Variants in LPP observed in about 807,000 individuals in gnomAD.
LPP encodes LIM domain containing preferred translocation partner in lipoma, also known as lipoma-preferred partner.
In LPP, 38 loss-of-function variants were observed where a neutral mutation model predicts 60.4. The observed-to-expected ratio is 0.63, with a 90% CI of 0.49 to 0.83. The LOEUF is 0.83. Ranked by LOEUF, LPP falls within the 40% of genes least tolerant of loss-of-function variation. The pLI, the probability that LPP is intolerant of heterozygous loss-of-function variation, is 0.00. For synonymous variants in LPP, 328 were observed against 290.8 expected (o/e 1.13, Z -1.30); for missense variants, 902 against 783.6 (o/e 1.15, Z -1.80).
rs1211108746 is a variant in LPP, at chr3:188,635,770, C to T, written c.1113+25926C>T. On this transcript the variant is annotated intron_variant, in intron 7 of 11. Transcript: ENST00000617246. ...TTTATTCCTTAACTTAGCACTTCCC[C>T]AGTGGCACAATAAGCACTCAGTAAA... 2.0e-5 allele frequency among the ~76,000 whole-genome samples: 3 copies of T among 152,142 alleles called. No homozygotes were observed. In the East Asian group the frequency reaches 5.8e-4, roughly 29 times the overall value.
intron 9 of LPP, among the ~76,000 whole-genome samples, chr3:188,793,478 G>T (rs536127904): frequency 6.6e-6 from 1 of 151,932 alleles, no homozygotes; most frequent in Non-Finnish European, 1.5e-5. Context: ...CACCATGCCC[G>T]GCCACTTTCT....
chr3:188,878,837 T>A lies in LPP; in HGVS notation c.*4358T>A, dbSNP rs1461634730. 4.7e-6 allele frequency: 1 copy of A among 212,650 alleles called. No individual in the cohort carries two copies. Among genetic ancestry groups the A allele is most frequent in the Non-Finnish European group, 9.5e-6 (1 of 105,196 alleles). The allele number at this position is 212,650 out of a possible 1,614,324, so 13.2% of individuals were successfully genotyped here. On this transcript the variant is annotated 3_prime_UTR_variant, in exon 12 of 12. Transcript: ENST00000617246. Reference sequence around the variant, plus strand: ...CATCTTAATATATTCTAGTAGTATTTATTTTTTCCTTGTCTTGGAAGTATC... The same window carrying A: ...CATCTTAATATATTCTAGTAGTATTAATTTTTTCCTTGTCTTGGAAGTATC...
chr3:188,849,693 A>ATT, intron 9 of LPP, among the ~76,000 whole-genome samples: 1 of 152,174 alleles, frequency 6.6e-6, no homozygotes, highest in East Asian at 1.9e-4. Flanking sequence ...CTATGCTTTG[A>ATT]TTTTGTTTTT....
chr3:188,639,868 A>G (rs1008299352), intron 7 of LPP, among the ~76,000 whole-genome samples: 12 of 152,208 alleles, frequency 7.9e-5, no homozygotes, highest in Non-Finnish European at 1.5e-4. Context: ...TCAGGAAACT[A>G]CAGGTGCTGG....
At chr3:188,585,529 G>A (rs1189558715) in intron 6 of LPP, among the ~76,000 whole-genome samples, 2 of 152,196 alleles carry the variant, frequency 1.3e-5, no homozygotes, top group Non-Finnish European at 2.9e-5. Flanking sequence ...GAGACAAAGA[G>A]AAATGGTCCC....
At position 188,610,696 on chromosome 3, in the gene LPP, T is replaced by C. The variant is rs914371690; in HGVS notation, c.1113+852T>C. Among the ~76,000 whole-genome samples, 1 of 152,198 alleles carries C rather than the reference T, an allele frequency of 6.6e-6. No individual in the cohort carries two copies. The highest frequency in any genetic ancestry group is 2.4e-5 in the African/African-American group (1 of 41,450). On this transcript the variant is annotated intron_variant, in intron 7 of 11. Coordinates refer to ENST00000617246, the MANE Select transcript of LPP (RefSeq NM_001375462.1). This position sits in a 1 kb window ranked among gnomAD's most constrained non-coding sequence, Gnocchi z 4.4. ...AATAGGTAAGGTGTAATACTACACATGCCCACTCACCACAACTTGGATTTT... is the reference window on the plus strand; with the variant it reads ...AATAGGTAAGGTGTAATACTACACACGCCCACTCACCACAACTTGGATTTT...
intron 9 of LPP, among the ~76,000 whole-genome samples, chr3:188,796,635 A>T (rs752495201): frequency 2.0e-5 from 3 of 152,186 alleles, no homozygotes; most frequent in Non-Finnish European, 2.9e-5. Flanking sequence ...AACCATGTTT[A>T]GTTAAGAACA....
At chr3:188,594,994 G>A (rs948376907) in intron 6 of LPP, among the ~76,000 whole-genome samples, 5 of 152,030 alleles carry the variant, frequency 3.3e-5, no homozygotes, top group Admixed American at 2.6e-4. Flanking sequence ...TACCTCTACA[G>A]TTCCTGATAT....
intron 5 of LPP, among the ~76,000 whole-genome samples, chr3:188,491,220 G>A (rs1289520077): frequency 1.3e-5 from 2 of 152,174 alleles, no homozygotes; most frequent in African/African-American, 2.4e-5. Context: ...CTTTACGTGG[G>A]TTGGACCACC....
chr3:188,558,330 G>A (rs553818200), intron 6 of LPP, among the ~76,000 whole-genome samples: 179 of 151,904 alleles, frequency 1.2e-3, no homozygotes, highest in African/African-American at 3.9e-3. Flanking sequence ...TTCTCTGTTC[G>A]TATCATCTAC....
chr3:188,782,647 T>C (rs1317600117), intron 9 of LPP, among the ~76,000 whole-genome samples: 1 of 151,688 alleles, frequency 6.6e-6, no homozygotes, highest in African/African-American at 2.4e-5. Flanking sequence ...GTTCCTAGCC[T>C]CTCTCTCCTG....
chr3:188,365,772 T>C (rs560595266), intron 3 of LPP, among the ~76,000 whole-genome samples: 1 of 152,118 alleles, frequency 6.6e-6, no homozygotes, highest in Admixed American at 6.6e-5. Flanking sequence ...CAGGATATAA[T>C]TGACGAAACA....
chr3:188,168,143 C>A (rs1264078995), intron 1 of LPP, among the ~76,000 whole-genome samples: 1 of 152,206 alleles, frequency 6.6e-6, no homozygotes, highest in East Asian at 1.9e-4. Flanking sequence ...CTTTATTGAG[C>A]TACCTACTCC....
Position 188,872,652 on chromosome 3 carries a change from C to T in LPP, c.1599C>T (p.Ala533=), listed in dbSNP as rs760361787. The change falls in exon 11 of 12, where the codon GCC becomes GCT. Residue 533 remains alanine (A), a synonymous_variant. Transcript: ENST00000617246. Reference sequence around the variant, plus strand: ...CTCTCTTCACTTTCAGGAAATTTGCCCCGCGATGTTCTGTGTGCAAGGAGC... The same window carrying T: ...CTCTCTTCACTTTCAGGAAATTTGCTCCGCGATGTTCTGTGTGCAAGGAGC... ...HCIEDFHKKF[A]PRCSVCKEPI... The T allele has an allele frequency of 6.2e-7, 1 of 1,614,062 alleles. No homozygotes were observed. The highest frequency in any genetic ancestry group is 8.5e-7 in the Non-Finnish European group (1 of 1,179,996).
rs182139708 is a variant in LPP, at chr3:188,778,889, A to G, written c.1410+18607A>G. On this transcript the variant is annotated intron_variant, in intron 9 of 11. Transcript: ENST00000617246. ...GCTCTAGTTTATCCACCAAATAACA[A>G]TATAAATGGGACAAGCAAAGAGAAA... is the stretch of plus-strand genomic sequence containing the variant. 7.9e-5 allele frequency among the ~76,000 whole-genome samples: 12 copies of G among 152,322 alleles called. No individual in the cohort carries two copies. The East Asian group carries it at 2.3e-3, about 29-fold the overall frequency.
chr3:188,825,010 C>A (rs1020171496), intron 9 of LPP, among the ~76,000 whole-genome samples: 1 of 152,286 alleles, frequency 6.6e-6, no homozygotes, highest in East Asian at 1.9e-4. Context: ...AGAGCAGCTG[C>A]ATAATGGCTA....
In LPP at chr3:188,495,193, A is replaced by ATTTTTATAAATATATAATATATATATT. The variant is rs368499660; in HGVS notation, c.306+10492_306+10493insTTATAAATATATAATATATATATTTTT. On this transcript the variant is annotated intron_variant, in intron 5 of 11. Coordinates refer to ENST00000617246, the MANE Select transcript of LPP (RefSeq NM_001375462.1). ...ATATTTATAAATATATAATATATAT[A>ATTTTTATAAATATATAATATATATATT]TTTATAAATATATATATATTTTTTT... 4.8e-3 allele frequency among the ~76,000 whole-genome samples: 650 copies of ATTTTTATAAATATATAATATATATATT among 135,890 alleles called. 9 individuals are homozygous for ATTTTTATAAATATATAATATATATATT. Among genetic ancestry groups the ATTTTTATAAATATATAATATATATATT allele is most frequent in the African/African-American group, 0.015 (549 of 36,714 alleles). The allele number at this position is 135,890 out of a possible 152,430, so 89.1% of individuals were successfully genotyped here.
At chr3:188,201,911 C>T (rs978951208) in intron 1 of LPP, among the ~76,000 whole-genome samples, 5 of 151,726 alleles carry the variant, frequency 3.3e-5, no homozygotes, top group Non-Finnish European at 5.9e-5. Flanking sequence ...ATGTGTAGGA[C>T]GTGGATATTT....
chr3:188,496,106 G>A (rs1192217052), intron 5 of LPP, among the ~76,000 whole-genome samples: 2 of 151,818 alleles, frequency 1.3e-5, no homozygotes, highest in Non-Finnish European at 2.9e-5. Flanking sequence ...GGGCCTCCTA[G>A]CCTGCAAATT....
Sources: gnomAD v4.1 joint callset for allele counts (sites outside exome capture counted in the v4.1 genomes callset) on GRCh38, gnomAD v4.1.1 for gene constraint, Gnocchi (gnomAD v3.1) non-coding constraint, MANE v1.5 for transcripts, NCBI Gene and HGNC (gene_info 2026-07-23, HGNC 2026-07-21) for gene names.